Variants in ATXN7L3 observed in about 807,000 individuals in gnomAD.
ATXN7L3 encodes the protein ataxin 7 like 3.
In ATXN7L3, 6 loss-of-function variants were observed where a neutral mutation model predicts 50.0. That is an observed-to-expected ratio of 0.12 (90% CI 0.07 to 0.24). The LOEUF is 0.24. ATXN7L3 is among the 10% of genes least tolerant of loss of function. The pLI is 1.00. For missense variants in ATXN7L3, 322 were observed against 451.3 expected (o/e 0.71, Z 2.60); for synonymous variants, 198 against 165.8 (o/e 1.19, Z -1.49).
intron 7 of ATXN7L3, 61 bp downstream of exon 7, chr17:44,195,973 C>T (rs371777438): frequency 2.5e-6 from 4 of 1,577,748 alleles, no homozygotes; most frequent in Non-Finnish European, 3.5e-6. Context: ...ACCTCCACCC[C>T]CCGGCAATGA....
rs1163435038 is a variant in ATXN7L3, at chr17:44,192,908, G to C, written c.*1355C>G. The C allele has an allele frequency of 6.6e-6, 1 of 152,318 alleles. No homozygotes were observed. The highest frequency in any genetic ancestry group is 2.4e-5 in the African/African-American group (1 of 41,438). 9.4% of individuals were successfully genotyped at this position (152,318 alleles called of 1,614,324 possible). On this transcript the variant is annotated 3_prime_UTR_variant, in exon 13 of 13. Transcript: ENST00000587097. ...AGCAAGTGCCAGAGAACTTGGCTCA[G>C]GGTCACCTCCACCCATGTCAGTCAG...
intron 1 of ATXN7L3, 118 bp from the exon 2 acceptor site, chr17:44,198,248 C>T (rs142697287): frequency 3.2e-6 from 2 of 619,622 alleles, no homozygotes; most frequent in Admixed American, 3.0e-5. Context: ...TCTCCCTCCC[C>T]AAGGCCCAGG....
rs2144450730 is a variant in ATXN7L3, at chr17:44,192,460, G to A, written c.*1803C>T. ...CCTGAGCTGCAGCTGCCTCTCAGAA[G>A]GGAGAGTGGCCCACAGCCTTCCTCC... On this transcript the variant is annotated 3_prime_UTR_variant, in exon 13 of 13. Transcript: ENST00000587097. The A allele has an allele frequency of 6.6e-6, 1 of 152,332 alleles. No individual in the cohort carries two copies. Among genetic ancestry groups the A allele is most frequent in the African/African-American group, 2.4e-5 (1 of 41,568 alleles). 9.4% of individuals were successfully genotyped at this position (152,332 alleles called of 1,614,324 possible).
chr17:44,195,045 C>A, intron 10 of ATXN7L3, 52 bp downstream of exon 10: 1 of 1,599,410 alleles, frequency 6.3e-7, no homozygotes, highest in Non-Finnish European at 8.6e-7. Flanking sequence ...AACCCATGCC[C>A]ATGGTGAGTG....
At chr17:44,194,744 C>T (rs1425808109) in intron 11 of ATXN7L3, 24 bp downstream of exon 11, 3 of 1,613,872 alleles carry the variant, frequency 1.9e-6, no homozygotes, top group Non-Finnish European at 2.5e-6. Flanking sequence ...CACAACCCCC[C>T]ACCCTTCCTG....
In ATXN7L3 at chr17:44,197,428, G is replaced by T. The variant is rs73983957; in HGVS notation, c.185-29C>A. The T allele has an allele frequency of 4.1e-5, 64 of 1,580,200 alleles. No individual in the cohort carries two copies. In the African/African-American group the frequency reaches 7.9e-4, roughly 20 times the overall value. On this transcript the variant is annotated intron_variant, in intron 3 of 12. Coordinates refer to ENST00000587097, the MANE Select transcript of ATXN7L3 (RefSeq NM_001382309.1). ...GGGACAGGAGAGGCTGGCGATCAGG[G>T]TGGGCAGGACCCTCTCCTCTTGTTC...
At chr17:44,196,506 A>G (rs2055897420) in intron 5 of ATXN7L3, 88 bp from the exon 6 acceptor site, 1 of 1,556,068 alleles carries the variant, frequency 6.4e-7, no homozygotes, top group Non-Finnish European at 8.8e-7. Flanking sequence ...CAGGCTGGGC[A>G]CGGTGGCTCA....
Position 44,191,962 on chromosome 17 carries a change from A to C in ATXN7L3, c.*2301T>G. The C allele has an allele frequency of 7.7e-5, 12 of 154,904 alleles. No homozygotes were observed. The highest frequency in any genetic ancestry group is 1.7e-4 in the Non-Finnish European group (12 of 71,488). The allele number at this position is 154,904 out of a possible 1,614,324, so 9.6% of individuals were successfully genotyped here. A position where few individuals can be genotyped will look rare whatever the true frequency, so the allele number is the denominator to read the frequency against. ...GCGTGAGCCCCACCCCCCTCCCCCA[A>C]TGACCCCAGCATGCGGTAATGCCAG... On this transcript the variant is annotated 3_prime_UTR_variant, in exon 13 of 13. Coordinates refer to ENST00000587097, the MANE Select transcript of ATXN7L3 (RefSeq NM_001382309.1).
rs566105744 is a variant in ATXN7L3, at chr17:44,194,600, C to T, written c.812G>A (p.Arg271Gln). The T allele has an allele frequency of 2.1e-5, 34 of 1,613,908 alleles. No homozygotes were observed. The highest frequency in any genetic ancestry group is 6.7e-5 in the East Asian group (3 of 44,872). Residue 271 changes from arginine (R) to glutamine (Q), a missense_variant, in exon 12 of 13, where the codon CGG (arginine) becomes CAG (glutamine). Coordinates refer to ENST00000587097, the MANE Select transcript of ATXN7L3 (RefSeq NM_001382309.1). ...GTCAGAGGAGCCGTCCCACTGAAGC[C>T]GGCTGATCAGGGCCTGGCTGTCAGT... is the stretch of plus-strand genomic sequence containing the variant. ...DMTDSQALIS[R>Q]LQWDGSSDLS...
At chr17:44,197,834 C>G (rs2055971376) in intron 2 of ATXN7L3, 104 bp from the exon 3 acceptor site, 12 of 1,567,298 alleles carry the variant, frequency 7.7e-6, no homozygotes, top group African/African-American at 1.4e-5. Flanking sequence ...ATCATGCTTT[C>G]TTTGCCATTT....
Position 44,194,814 on chromosome 17 carries a change from C to T in ATXN7L3, c.691G>A (p.Asp231Asn). 1 of 1,614,176 alleles carries T rather than the reference C, an allele frequency of 6.2e-7. No individual in the cohort carries two copies. Among genetic ancestry groups the T allele is most frequent in the Non-Finnish European group, 8.5e-7 (1 of 1,180,016 alleles). ...TRSLRCPQHT[D>N]EQRRTVRIYF... The stretch of plus-strand genomic sequence containing the variant: ...ATCCGTACGGTTCGCCTCTGCTCAT[C>T]TGTGTGCTGTGGGCAGCGCAGGGAC... Residue 231 changes from aspartate to asparagine, a missense_variant, in exon 11 of 13, where the codon GAT (aspartate) becomes AAT (asparagine). Around this residue, in one of 5 missense-constraint regions of ATXN7L3, gnomAD observed 24 missense variants for 52.6 expected, o/e 0.46. Transcript: ENST00000587097.
rs560469511 is a variant in ATXN7L3 at position 44,197,609 on chromosome 17, A to G, written c.173T>C (p.Met58Thr). Residue 58 changes from methionine (M) to threonine (T), a missense_variant, in exon 3 of 13, where the codon ATG (methionine) becomes ACG (threonine). Transcript: ENST00000587097. The stretch of plus-strand genomic sequence containing the variant: ...ACCCTGAAGCTCACCAAAATCCTTC[A>G]TGCTATCAGGGTCCGTGTCGTCCAA... ...FFLDDTDPDS[M>T]KDFEIVDQPG... The G allele has an allele frequency of 5.2e-5, 84 of 1,614,240 alleles. No homozygotes were observed. The South Asian group carries it at 8.3e-4, about 16-fold the overall frequency.
At chr17:44,196,465 A>T in intron 5 of ATXN7L3, 47 bp from the exon 6 acceptor site, 1 of 1,612,384 alleles carries the variant, frequency 6.2e-7, no homozygotes, top group Non-Finnish European at 8.5e-7. Context: ...TTAAGTTCTC[A>T]ATCTAAAAGC....
rs747795215 is a variant in ATXN7L3, at chr17:44,196,910, T to TCC, written c.454+17_454+18dup. The TCC allele has an allele frequency of 5.3e-5, 84 of 1,587,214 alleles. No individual in the cohort carries two copies. The highest frequency in any genetic ancestry group is 7.1e-5 in the Non-Finnish European group (82 of 1,156,532). On this transcript the variant is annotated intron_variant, in intron 5 of 12. Coordinates refer to ENST00000587097, the MANE Select transcript of ATXN7L3 (RefSeq NM_001382309.1). The stretch of plus-strand genomic sequence containing the variant: ...ACCTCATCCCAATGCCCCCCGGGTT[T>TCC]CCCCAGATCCCCAAGCACCTTTCTT...
At chr17:44,197,497 C>G in intron 3 of ATXN7L3, 98 bp from the exon 4 acceptor site, 4 of 1,586,828 alleles carry the variant, frequency 2.5e-6, no homozygotes, top group Non-Finnish European at 3.4e-6. Context: ...CCCCGGCTCA[C>G]AGGAGCTCCA....
rs1338349458 is a variant in ATXN7L3, at chr17:44,194,940, G to A, written c.666-101C>T. The A allele has an allele frequency of 2.7e-6, 4 of 1,481,634 alleles. No homozygotes were observed. In the South Asian group the frequency reaches 4.6e-5, roughly 17 times the overall value. 91.8% of individuals were successfully genotyped at this position (1,481,634 alleles called of 1,614,324 possible). On this transcript the variant is annotated intron_variant, in intron 10 of 12. Transcript: ENST00000587097. ...AGGCACAGACAGGGAAGGGGTGAAT[G>A]CAGATTCATCCCCAGATTGTGGCCA...
chr17:44,192,330 G>A lies in ATXN7L3; in HGVS notation c.*1933C>T, dbSNP rs1005264767. 1 of 152,316 alleles carries A rather than the reference G, an allele frequency of 6.6e-6. No homozygotes were observed. The highest frequency in any genetic ancestry group is 2.4e-5 in the African/African-American group (1 of 41,458). The allele number at this position is 152,316 out of a possible 1,614,324, so 9.4% of individuals were successfully genotyped here. On this transcript the variant is annotated 3_prime_UTR_variant, in exon 13 of 13. Transcript: ENST00000587097. ...TGAGGGCGGGCCAAGGAACAATGGG[G>A]AAGTTTATGTGGACAAACCAGTTCC...
chr17:44,196,999 C>G lies in ATXN7L3; in HGVS notation c.384G>C (p.Lys128Asn). The G allele has an allele frequency of 1.2e-6, 2 of 1,613,456 alleles. No individual in the cohort carries two copies. The highest frequency in any genetic ancestry group is 1.7e-6 in the Non-Finnish European group (2 of 1,179,624). ...RRIANSNNMNKSESDQEDNDD... is the reference protein window; with the variant it reads ...RRIANSNNMNNSESDQEDNDD... Reference sequence around the variant, plus strand: ...CATTATCTTCTTGGTCACTCTCAGACTTATTCATATTGTTGCTATTGGCAA... The same window carrying G: ...CATTATCTTCTTGGTCACTCTCAGAGTTATTCATATTGTTGCTATTGGCAA... The change falls in exon 5 of 13, where the codon AAG (lysine) becomes AAC (asparagine). Residue 128 changes from lysine (K) to asparagine (N), a missense_variant. Physicochemically the swap from Lys to Asn is moderately conservative, Grantham distance 94. Coordinates refer to ENST00000587097, the MANE Select transcript of ATXN7L3 (RefSeq NM_001382309.1).
rs2056080337 is a variant in ATXN7L3 at position 44,199,818 on chromosome 17, G to A, written c.-383C>T. ...CCCGCCTCTCCCGGGCGGGGGGTGC[G>A]GCGCGAGCCCGGAGCGCGCGCGCGT... is the stretch of plus-strand genomic sequence containing the variant. On this transcript the variant is annotated 5_prime_UTR_variant, in exon 1 of 13. Transcript: ENST00000587097. The A allele has an allele frequency of 6.8e-6, 1 of 146,000 alleles. No individual in the cohort carries two copies. The highest frequency in any genetic ancestry group is 2.5e-5 in the African/African-American group (1 of 39,676). The allele number at this position is 146,000 out of a possible 1,614,324, so 9.0% of individuals were successfully genotyped here.
Sources: gnomAD v4.1 joint callset for allele counts on GRCh38, gnomAD v4.1.1 for gene constraint, gnomAD v4.1.1 regional missense constraint, MANE v1.5 for transcripts, NCBI Gene and HGNC (gene_info 2026-07-23, HGNC 2026-07-21) for gene names.